The following IL1RAPL1 variants were observed in gnomAD, a reference collection of about 807,000 sequenced individuals.
IL1RAPL1 encodes interleukin 1 receptor accessory protein like 1.
A neutral mutation model predicts 48.4 loss-of-function variants in IL1RAPL1; 3 were observed. The ratio of observed to expected loss-of-function variants is 0.06; its 90% CI spans 0.03 to 0.16. The LOEUF (loss-of-function observed/expected upper bound fraction) is 0.16, where lower values mean the gene tolerates loss of function less well. Ranked by LOEUF, IL1RAPL1 falls within the 10% of genes least tolerant of loss-of-function variation. The pLI is 1.00. For missense variants in IL1RAPL1, 349 were observed against 530.6 expected (o/e 0.66, Z 3.36); for synonymous variants, 185 against 187.7 (o/e 0.99, Z 0.12).
chrX:28,649,448 G>C (rs888383061), intron 1 of IL1RAPL1, among the ~76,000 whole-genome samples: 1 of 112,092 alleles, frequency 8.9e-6, no homozygotes, highest in Non-Finnish European at 1.9e-5. Context: ...AAATAAATTG[G>C]GGGAAATGCT....
intron 2 of IL1RAPL1, among the ~76,000 whole-genome samples, chrX:29,140,976 A>G (rs1009621194): frequency 9.0e-6 from 1 of 111,356 alleles, no homozygotes; most frequent in African/African-American, 3.3e-5. Context: ...AATAATAAAG[A>G]TATTAATAGT....
At chrX:29,009,611 C>T (rs774038695) in intron 2 of IL1RAPL1, among the ~76,000 whole-genome samples, 12 of 111,803 alleles carry the variant, frequency 1.1e-4, no homozygotes, top group African/African-American at 2.9e-4. Flanking sequence ...TTCCATTGGT[C>T]TGTGTGTCTC....
chrX:29,086,340 T>C (rs1021744124), intron 2 of IL1RAPL1, among the ~76,000 whole-genome samples: 2 of 112,201 alleles, frequency 1.8e-5, no homozygotes, highest in Non-Finnish European at 3.8e-5. Context: ...GGAAAAAATA[T>C]TATTTCCAAA....
At chrX:29,613,025 C>G (rs1195619469) in intron 5 of IL1RAPL1, among the ~76,000 whole-genome samples, 1 of 111,743 alleles carries the variant, frequency 8.9e-6, no homozygotes, top group East Asian at 2.8e-4. Flanking sequence ...GTTAATTTGT[C>G]TGTTTTAGAA....
chrX:28,840,670 A>G (rs1034812318), intron 2 of IL1RAPL1, among the ~76,000 whole-genome samples: 4 of 111,276 alleles, frequency 3.6e-5, no homozygotes, highest in Admixed American at 1.9e-4. Flanking sequence ...ATATATTTCT[A>G]TACTCATTTT....
intron 2 of IL1RAPL1, among the ~76,000 whole-genome samples, chrX:29,073,178 A>G (rs987736549): frequency 2.5e-4 from 28 of 112,398 alleles, no homozygotes; most frequent in African/African-American, 8.7e-4. Context: ...AAAAAGAAAT[A>G]AATCATATTC....
rs752168887 is a variant in IL1RAPL1 at position 28,715,651 on chromosome X, C to G, written c.-24-73669C>G. On this transcript the variant is annotated intron_variant, in intron 1 of 10. Coordinates refer to ENST00000378993, the MANE Select transcript of IL1RAPL1 (RefSeq NM_014271.4). The stretch of plus-strand genomic sequence containing the variant: ...ACCAGGAAGAAATAGAATCCCTAAA[C>G]AGACCAATAATGAGTTCTGAAATTG... Among the ~76,000 whole-genome samples, 17 of 111,534 alleles carry G rather than the reference C, an allele frequency of 1.5e-4. 1 individual carries two copies. The South Asian group carries it at 4.5e-3, about 29-fold the overall frequency.
At chrX:28,796,222 G>A (rs1936609332) in intron 2 of IL1RAPL1, among the ~76,000 whole-genome samples, 1 of 111,305 alleles carries the variant, frequency 9.0e-6, no homozygotes, top group African/African-American at 3.3e-5. Flanking sequence ...GTGAGAGTTG[G>A]GTGGGGACAC....
At chrX:29,854,917 A>T (rs1303273796) in intron 6 of IL1RAPL1, among the ~76,000 whole-genome samples, 1 of 110,885 alleles carries the variant, frequency 9.0e-6, no homozygotes, top group Non-Finnish European at 1.9e-5. Flanking sequence ...ACACACACAC[A>T]CAAAATTAAC....
intron 1 of IL1RAPL1, among the ~76,000 whole-genome samples, chrX:28,765,605 G>T (rs1936226929): frequency 9.0e-6 from 1 of 111,064 alleles, no homozygotes; most frequent in Admixed American, 9.6e-5. Context: ...ATACTATCTG[G>T]TATTTATCTT....
intron 3 of IL1RAPL1, among the ~76,000 whole-genome samples, chrX:29,381,826 AAAAAAAAATAT>A (rs1264270726): frequency 1.2e-5 from 1 of 84,727 alleles, no homozygotes; most frequent in African/African-American, 4.8e-5. Flanking sequence ...AAAAAAAAAA[AAAAAAAAATAT>A]ATATATATAT....
chrX:28,592,931 A>G (rs1176343128), intron 1 of IL1RAPL1, among the ~76,000 whole-genome samples: 1 of 112,020 alleles, frequency 8.9e-6, no homozygotes, highest in Non-Finnish European at 1.9e-5. Context: ...TTTATGTCTT[A>G]TGGCAATACT....
At chrX:29,076,794 G>T (rs112567179) in intron 2 of IL1RAPL1, among the ~76,000 whole-genome samples, 4 of 34,681 alleles carry the variant, frequency 1.2e-4, no homozygotes, top group East Asian at 6.9e-4. Flanking sequence ...CTGTCTGTCT[G>T]TCTGTCTGTC....
At chrX:29,103,990 T>G (rs1420298112) in intron 2 of IL1RAPL1, among the ~76,000 whole-genome samples, 1 of 111,806 alleles carries the variant, frequency 8.9e-6, no homozygotes, top group Non-Finnish European at 1.9e-5. Context: ...GGTTAGGATG[T>G]GGGGAAAAGG....
chrX:29,061,925 T>G (rs1282104913), intron 2 of IL1RAPL1, among the ~76,000 whole-genome samples: 1 of 112,345 alleles, frequency 8.9e-6, no homozygotes, highest in African/African-American at 3.2e-5. Flanking sequence ...TTTAGCATTA[T>G]GGATTTACAT....
chrX:29,384,593 T>G (rs1024949862), intron 3 of IL1RAPL1, among the ~76,000 whole-genome samples: 1 of 112,579 alleles, frequency 8.9e-6, no homozygotes, highest in Non-Finnish European at 1.9e-5. Context: ...ATTTTTGCAT[T>G]AATTTAATTT....
At chrX:29,456,033 G>A (rs916466879) in intron 5 of IL1RAPL1, among the ~76,000 whole-genome samples, 2 of 107,934 alleles carry the variant, frequency 1.9e-5, no homozygotes, top group African/African-American at 7.0e-5. Flanking sequence ...AAAACAAACA[G>A]CTGAAATATT....
intron 2 of IL1RAPL1, among the ~76,000 whole-genome samples, chrX:29,265,451 G>A (rs954674545): frequency 6.4e-5 from 7 of 109,384 alleles, no homozygotes; most frequent in Non-Finnish European, 1.3e-4. Context: ...ATAAATCATG[G>A]AATCTTTTTT....
intron 3 of IL1RAPL1, among the ~76,000 whole-genome samples, chrX:29,386,667 C>A (rs927136867): frequency 9.2e-6 from 1 of 109,160 alleles, no homozygotes; most frequent in Non-Finnish European, 1.9e-5. Context: ...CTCAGCCTCC[C>A]CAGTATCTGG....
Sources: gnomAD v4.1 joint callset for allele counts (sites outside exome capture counted in the v4.1 genomes callset) on GRCh38, gnomAD v4.1.1 for gene constraint, MANE v1.5 for transcripts, NCBI Gene and HGNC (gene_info 2026-07-23, HGNC 2026-07-21) for gene names.